TRHDE: variants seen among roughly 807,000 people sequenced by gnomAD.
The protein encoded by TRHDE is thyrotropin-releasing hormone-degrading ectoenzyme.
In TRHDE, 72 loss-of-function variants were observed where a neutral mutation model predicts 125.7. That is an observed-to-expected ratio of 0.57 (90% CI 0.47 to 0.70). TRHDE has a LOEUF of 0.70. Ranked by LOEUF, TRHDE falls within the 30% of genes least tolerant of loss-of-function variation. The pLI, the probability that TRHDE is intolerant of heterozygous loss-of-function variation, is 0.00. For missense variants in TRHDE, 1,110 were observed against 1,327.1 expected, an observed-to-expected ratio of 0.84 and a Z score of 2.54; for synonymous variants, 509 against 509.1, an observed-to-expected ratio of 1.00 and a Z score of 0.00.
chr12:72,641,229 T>C (rs1345740567), intron 15 of TRHDE, among the ~76,000 whole-genome samples: 1 of 152,252 alleles, frequency 6.6e-6, no homozygotes, highest in Non-Finnish European at 1.5e-5. Flanking sequence ...AATTTTCCTC[T>C]GTAAGATATT....
chr12:72,641,963 A>G (rs1356714153), intron 15 of TRHDE, among the ~76,000 whole-genome samples: 1 of 152,186 alleles, frequency 6.6e-6, no homozygotes, highest in Non-Finnish European at 1.5e-5. Flanking sequence ...ACAGTTTGTG[A>G]TGCTGAAGCC....
intron 6 of TRHDE, among the ~76,000 whole-genome samples, chr12:72,524,031 T>C (rs1868292127): frequency 1.3e-5 from 2 of 152,184 alleles, no homozygotes; most frequent in Admixed American, 1.3e-4. Context: ...AATACTAACC[T>C]GGTCTCCATT....
rs150888093 is a variant in TRHDE at position 72,273,372 on chromosome 12, G to A, written c.729G>A (p.Arg243=). 43 of 1,614,178 alleles carry A rather than the reference G, an allele frequency of 2.7e-5. No individual in the cohort carries two copies. The African/African-American group carries it at 5.1e-4, about 19-fold the overall frequency. Residue 243 remains arginine (R), a synonymous_variant, in exon 1 of 19, where the codon CGG becomes CGA. Coordinates refer to ENST00000261180, the MANE Select transcript of TRHDE (RefSeq NM_013381.3). This position sits in a 1 kb window ranked among gnomAD's most constrained non-coding sequence, Gnocchi z 5.3. ...AGAAAGTGCAGCTGGCCGAGGACCG[G>A]GCGTTCGGGGCTGTCCCTGTAGCCG... ...AVEKVQLAED[R]AFGAVPVAGF... is the part of the protein sequence containing the mutation.
At chr12:72,484,980 C>T (rs1009556154) in intron 5 of TRHDE, among the ~76,000 whole-genome samples, 15 of 152,124 alleles carry the variant, frequency 9.9e-5, no homozygotes, top group Admixed American at 5.2e-4. Context: ...TCATTGCCTC[C>T]GTCACCCCAT....
chr12:72,198,446 A>G (rs956361941), intron 2 of TRHDE, among the ~76,000 whole-genome samples: 2 of 152,184 alleles, frequency 1.3e-5, no homozygotes, highest in African/African-American at 4.8e-5. Context: ...CTCAGTATCT[A>G]GAACAATTTT....
intron 15 of TRHDE, among the ~76,000 whole-genome samples, chr12:72,628,639 C>G (rs1873357871): frequency 6.6e-6 from 1 of 151,838 alleles, no homozygotes; most frequent in Admixed American, 6.6e-5. Flanking sequence ...CAGAATATGT[C>G]ACCAAACAAG....
intron 2 of TRHDE, among the ~76,000 whole-genome samples, chr12:72,130,210 G>A (rs1280011049): frequency 6.6e-6 from 1 of 152,144 alleles, no homozygotes; most frequent in Non-Finnish European, 1.5e-5. Context: ...TGAGGCTGAG[G>A]TAGAATTGCT....
intron 2 of TRHDE, among the ~76,000 whole-genome samples, chr12:72,372,303 T>C (rs979472661): frequency 6.6e-6 from 1 of 152,148 alleles, no homozygotes. Flanking sequence ...CTTTGTCAGA[T>C]GAGTAGGTTG....
At chr12:72,609,839 T>C (rs149432392) in intron 12 of TRHDE, among the ~76,000 whole-genome samples, 171 of 152,212 alleles carry the variant, frequency 1.1e-3, no homozygotes, top group Middle Eastern at 0.01. Context: ...AGGTTAATGA[T>C]TGGATGTCCT....
intron 2 of TRHDE, among the ~76,000 whole-genome samples, chr12:72,216,504 G>A (rs562842587): frequency 1.6e-4 from 24 of 152,250 alleles, no homozygotes; most frequent in African/African-American, 4.8e-4. Context: ...CTTCTGAGAG[G>A]AGGGAATATG....
chr12:72,389,010 C>T (rs1872535208), intron 3 of TRHDE, among the ~76,000 whole-genome samples: 1 of 151,728 alleles, frequency 6.6e-6, no homozygotes, highest in African/African-American at 2.4e-5. Flanking sequence ...AGAAAATCAT[C>T]AGTTAACAAA....
Position 72,669,250 on chromosome 12 carries a change from T to C in TRHDE, c.*6055T>C, listed in dbSNP as rs560734853. 6.6e-6 allele frequency: 1 copy of C among 151,988 alleles called. No homozygotes were observed. The highest frequency in any genetic ancestry group is 2.1e-4 in the South Asian group (1 of 4,824). The allele number at this position is 151,988 out of a possible 1,614,324, so 9.4% of individuals were successfully genotyped here. ...AGACATATTAGTCTAGCCAGAACTT[T>C]CCTTTTGCTTAGCAGTGAGGTCAGA... On this transcript the variant is annotated 3_prime_UTR_variant, in exon 19 of 19. Transcript: ENST00000261180.
At chr12:72,634,616 G>A (rs959561692) in intron 15 of TRHDE, among the ~76,000 whole-genome samples, 1 of 151,530 alleles carries the variant, frequency 6.6e-6, no homozygotes, top group African/African-American at 2.4e-5. Flanking sequence ...TCGTCATCTA[G>A]CATTAGGTAT....
chr12:72,611,351 TCTC>T (rs542687355), intron 12 of TRHDE: 71 of 153,410 alleles, frequency 4.6e-4, no homozygotes, highest in African/African-American at 1.7e-3. Flanking sequence ...AACAAGCAAA[TCTC>T]CTTCAACATT....
At chr12:72,536,198 C>G (rs1438365373) in intron 6 of TRHDE, among the ~76,000 whole-genome samples, 1 of 152,108 alleles carries the variant, frequency 6.6e-6, no homozygotes, top group Non-Finnish European at 1.5e-5. Context: ...TACTTGTTAA[C>G]TAGAGTATTC....
At chr12:72,530,854 A>G (rs1868517518) in intron 6 of TRHDE, among the ~76,000 whole-genome samples, 1 of 151,994 alleles carries the variant, frequency 6.6e-6, no homozygotes. Flanking sequence ...GGTATTTGAT[A>G]TTATTGTTGT....
At chr12:72,406,973 C>T (rs189038454) in intron 3 of TRHDE, among the ~76,000 whole-genome samples, 15 of 152,240 alleles carry the variant, frequency 9.9e-5, no homozygotes, top group Admixed American at 5.2e-4. Flanking sequence ...GAGGGCAGTT[C>T]GCTTCCCATG....
intron 6 of TRHDE, among the ~76,000 whole-genome samples, chr12:72,530,449 C>G (rs1401532806): frequency 3.0e-5 from 3 of 100,468 alleles, no homozygotes; most frequent in Non-Finnish European, 5.7e-5. Context: ...TAACTTTAAC[C>G]AGCTCATTGG....
chr12:72,447,123 C>T (rs1285818877), intron 3 of TRHDE, among the ~76,000 whole-genome samples: 3 of 151,870 alleles, frequency 2.0e-5, no homozygotes, highest in African/African-American at 7.3e-5. Flanking sequence ...GAAGTAAAGC[C>T]CTCCTCAGCA....
Sources: gnomAD v4.1 joint callset for allele counts (sites outside exome capture counted in the v4.1 genomes callset) on GRCh38, gnomAD v4.1.1 for gene constraint, Gnocchi (gnomAD v3.1) non-coding constraint, MANE v1.5 for transcripts, NCBI Gene and HGNC (gene_info 2026-07-23, HGNC 2026-07-21) for gene names.